The following SIPA1L1 variants were observed in gnomAD, a reference collection of about 807,000 sequenced individuals.
SIPA1L1 encodes signal-induced proliferation-associated 1-like protein 1.
SIPA1L1 carries 26 observed loss-of-function variants against 162.7 expected under a neutral mutation model. That is an observed-to-expected ratio of 0.16 (90% confidence interval 0.12 to 0.22). SIPA1L1 has a LOEUF of 0.22. Among genes scored for constraint, SIPA1L1 ranks in the 10% least tolerant of loss-of-function variants. SIPA1L1 has a pLI of 1.00. For synonymous variants in SIPA1L1, 829 were observed against 837.4 expected (o/e 0.99, Z 0.17); for missense variants, 1,874 against 2,241.0 (o/e 0.84, Z 3.31).
At chr14:71,603,977 T>C (rs889383562) in intron 5 of SIPA1L1, among the ~76,000 whole-genome samples, 13 of 145,038 alleles carry the variant, frequency 9.0e-5, no homozygotes, top group African/African-American at 2.5e-4. Flanking sequence ...ATAGATATAT[T>C]TATATATATT....
At chr14:71,322,314 G>A (rs2033146132) in intron 2 of SIPA1L1, among the ~76,000 whole-genome samples, 1 of 152,188 alleles carries the variant, frequency 6.6e-6, no homozygotes, top group Non-Finnish European at 1.5e-5. Context: ...AAGATTCTCT[G>A]ACTGAATCTT....
intron 2 of SIPA1L1, among the ~76,000 whole-genome samples, chr14:71,480,045 T>A (rs897300819): frequency 6.6e-6 from 1 of 152,058 alleles, no homozygotes; most frequent in African/African-American, 2.4e-5. Flanking sequence ...AGTCCTCCTC[T>A]GTTTTTAAAT....
chr14:71,587,044 C>T (rs2034700815), intron 4 of SIPA1L1: 1 of 151,978 alleles, frequency 6.6e-6, no homozygotes, highest in African/African-American at 2.4e-5. Flanking sequence ...TATGTTAAGC[C>T]TTTGTAAGGA....
At chr14:71,502,238 A>G (rs2050283484) in intron 2 of SIPA1L1, among the ~76,000 whole-genome samples, 1 of 80,650 alleles carries the variant, frequency 1.2e-5, no homozygotes, top group East Asian at 4.0e-4. Flanking sequence ...CCTTTGAGAT[A>G]CTTGAAAAAA....
chr14:71,541,070 G>A lies in SIPA1L1; in HGVS notation c.-303+11700G>A, dbSNP rs1039498984. Among the ~76,000 whole-genome samples, 3 of 152,072 alleles carry A rather than the reference G, an allele frequency of 2.0e-5. No individual in the cohort carries two copies. In the South Asian group the frequency reaches 6.2e-4, roughly 32 times the overall value. On this transcript the variant is annotated intron_variant, in intron 4 of 23. Transcript: ENST00000381232. ...TTGAACTCGGGAGGTGGAGGTTGCA[G>A]TGAGCCAAGATTCTCCAGCCTGGGT...
intron 1 of SIPA1L1, among the ~76,000 whole-genome samples, chr14:71,320,718 C>T (rs891297784): frequency 8.0e-5 from 12 of 149,112 alleles, no homozygotes; most frequent in African/African-American, 2.2e-4. Context: ...CCCCCGGCAA[C>T]CTCGCGCCCA....
intron 7 of SIPA1L1, among the ~76,000 whole-genome samples, chr14:71,648,460 C>T (rs1445832977): frequency 1.3e-5 from 2 of 152,108 alleles, no homozygotes. Context: ...TCCGTTATCA[C>T]GATTTGAACC....
chr14:71,446,382 C>G (rs1441858060), intron 2 of SIPA1L1, among the ~76,000 whole-genome samples: 3 of 151,734 alleles, frequency 2.0e-5, no homozygotes, highest in Admixed American at 1.3e-4. Flanking sequence ...GTTTAGCATA[C>G]CTTTTGAATT....
At chr14:71,535,860 T>C (rs2145559377) in intron 4 of SIPA1L1, among the ~76,000 whole-genome samples, 1 of 152,308 alleles carries the variant, frequency 6.6e-6, no homozygotes, top group East Asian at 1.9e-4. Context: ...CCTGCCCATC[T>C]GGGCCTCGCA....
In SIPA1L1 at chr14:71,631,064, C is replaced by G. The variant is rs143922772; in HGVS notation, c.1818+6828C>G. Among the ~76,000 whole-genome samples the G allele has an allele frequency of 2.0e-5, 3 of 152,194 alleles. No homozygotes were observed. In the East Asian group the frequency reaches 5.8e-4, roughly 29 times the overall value. ...CAGGCCTGTGTGTGATGTTCCCCAC[C>G]TTGTGTCCATGTGTTCTCATTGTTC... On this transcript the variant is annotated intron_variant, in intron 7 of 23. Transcript: ENST00000381232.
intron 2 of SIPA1L1, among the ~76,000 whole-genome samples, chr14:71,349,148 A>G (rs919257329): frequency 4.6e-5 from 7 of 152,372 alleles, no homozygotes; most frequent in East Asian, 1.9e-4. Context: ...AAAACTTTCT[A>G]TGCTTACATT....
intron 17 of SIPA1L1, among the ~76,000 whole-genome samples, chr14:71,713,668 G>C (rs1221331833): frequency 6.6e-6 from 1 of 152,178 alleles, no homozygotes; most frequent in Non-Finnish European, 1.5e-5. Flanking sequence ...GAAAAGAAAG[G>C]CTTCTTATGT....
chr14:71,520,128 T>A (rs907465496), intron 3 of SIPA1L1, among the ~76,000 whole-genome samples: 1 of 152,162 alleles, frequency 6.6e-6, no homozygotes, highest in Non-Finnish European at 1.5e-5. Flanking sequence ...AAATTTTTTT[T>A]AAATAATGAA....
At chr14:71,552,282 C>A (rs191617703) in intron 4 of SIPA1L1, among the ~76,000 whole-genome samples, 2 of 152,244 alleles carry the variant, frequency 1.3e-5, no homozygotes, top group East Asian at 3.9e-4. Context: ...ATTATTACTA[C>A]CACAAAAGGT....
chr14:71,325,507 T>C (rs2140186679), intron 2 of SIPA1L1, among the ~76,000 whole-genome samples: 1 of 152,290 alleles, frequency 6.6e-6, no homozygotes, highest in South Asian at 2.1e-4. Flanking sequence ...CAAAAAACCA[T>C]CAGGGCAGAT....
At chr14:71,536,040 A>C (rs2053866721) in intron 4 of SIPA1L1, among the ~76,000 whole-genome samples, 1 of 151,826 alleles carries the variant, frequency 6.6e-6, no homozygotes, top group South Asian at 2.1e-4. Flanking sequence ...ACAATGCTAC[A>C]TTGTAAAATC....
At chr14:71,702,633 C>A (rs951985931) in intron 15 of SIPA1L1, 128 bp downstream of exon 15, 23 of 830,268 alleles carry the variant, frequency 2.8e-5, no homozygotes, top group Admixed American at 2.9e-5. Context: ...AGAATTAAGT[C>A]TCTGTTAGAT....
intron 4 of SIPA1L1, among the ~76,000 whole-genome samples, chr14:71,545,182 T>C (rs890115843): frequency 1.3e-5 from 2 of 152,174 alleles, no homozygotes; most frequent in African/African-American, 2.4e-5. Context: ...TTTAATTGCT[T>C]TGTATATTAT....
intron 2 of SIPA1L1, among the ~76,000 whole-genome samples, chr14:71,430,966 G>T (rs908778175): frequency 6.6e-6 from 1 of 151,946 alleles, no homozygotes. Flanking sequence ...TATTATAAAG[G>T]TCCTATATAG....
Sources: allele counts gnomAD v4.1 joint callset (sites outside exome capture counted in the v4.1 genomes callset), GRCh38; gene constraint gnomAD v4.1.1; transcripts MANE v1.5; gene names NCBI Gene and HGNC (gene_info 2026-07-23, HGNC 2026-07-21).